The following RPAP2 variants were observed in gnomAD, a reference collection of about 807,000 sequenced individuals.
The protein encoded by RPAP2 is RNA polymerase II associated protein 2.
A neutral mutation model predicts 73.1 loss-of-function variants in RPAP2; 52 were observed. The ratio of observed to expected loss-of-function variants is 0.71; its 90% CI spans 0.57 to 0.90. The LOEUF is 0.90. RPAP2 is among the 40% of genes least tolerant of loss of function. The pLI is 0.00. For synonymous variants in RPAP2, 225 were observed against 242.1 expected (o/e 0.93, Z 0.65); for missense variants, 598 against 701.8 (o/e 0.85, Z 1.67).
rs1218394175 is a variant in RPAP2, at chr1:92,388,087, C to T, written c.*1076C>T. On this transcript the variant is annotated 3_prime_UTR_variant, in exon 13 of 13. Transcript: ENST00000610020. ...GAATTAATCAAGTTCAGCAAGGTCA[C>T]AGGCTAGATCAATATACAGAAAATC... The T allele has an allele frequency of 2.0e-5, 3 of 152,136 alleles. No homozygotes were observed. Among genetic ancestry groups the T allele is most frequent in the African/African-American group, 7.2e-5 (3 of 41,424 alleles). The allele number at this position is 152,136 out of a possible 1,614,324, so 9.4% of individuals were successfully genotyped here.
chr1:92,392,641 G>A lies in RPAP2; in HGVS notation c.*5630G>A, dbSNP rs771561013. 6.0e-4 allele frequency: 92 copies of A among 152,118 alleles called. 1 individual carries two copies. Among genetic ancestry groups the A allele is most frequent in the Admixed American group, 5.4e-3 (82 of 15,244 alleles). 9.4% of individuals were successfully genotyped at this position (152,118 alleles called of 1,614,324 possible). A position where few individuals can be genotyped will look rare whatever the true frequency, so the allele number is the denominator to read the frequency against. ...GATTGTATATTTAGAAAACCCCATC[G>A]TCTCATCCCAAAATCTCCTTAAGCT... is the stretch of plus-strand genomic sequence containing the variant. On this transcript the variant is annotated 3_prime_UTR_variant, in exon 13 of 13. Transcript: ENST00000610020.
At chr1:92,342,707 G>C (rs1221871045) in intron 10 of RPAP2, among the ~76,000 whole-genome samples, 1 of 152,172 alleles carries the variant, frequency 6.6e-6, no homozygotes, top group Non-Finnish European at 1.5e-5. Context: ...GAAGTGATCA[G>C]ATCCTATTTT....
At chr1:92,375,200 A>C (rs1046786927) in intron 11 of RPAP2, among the ~76,000 whole-genome samples, 1 of 152,212 alleles carries the variant, frequency 6.6e-6, no homozygotes, top group Non-Finnish European at 1.5e-5. Flanking sequence ...CTTAAAAATA[A>C]TATGTTTTAC....
At chr1:92,352,191 T>C (rs1342269927) in intron 11 of RPAP2, among the ~76,000 whole-genome samples, 2 of 152,220 alleles carry the variant, frequency 1.3e-5, no homozygotes, top group African/African-American at 4.8e-5. Context: ...GCCCGCTTCC[T>C]AGGCAGAGAC....
chr1:92,391,419 A>T lies in RPAP2; in HGVS notation c.*4408A>T, dbSNP rs1408276642. 6.6e-6 allele frequency: 1 copy of T among 152,236 alleles called. No individual in the cohort carries two copies. Among genetic ancestry groups the T allele is most frequent in the African/African-American group, 2.4e-5 (1 of 41,464 alleles). The allele number at this position is 152,236 out of a possible 1,614,324, so 9.4% of individuals were successfully genotyped here. A position where few individuals can be genotyped will look rare whatever the true frequency, so the allele number is the denominator to read the frequency against. On this transcript the variant is annotated 3_prime_UTR_variant, in exon 13 of 13. Transcript: ENST00000610020. ...GAAATTTATAGCACTAAATGCCCAC[A>T]AGTGAAAGCAGGAGTGATCTAAAAT...
At chr1:92,340,454 A>T (rs183499930) in intron 10 of RPAP2, among the ~76,000 whole-genome samples, 23 of 152,342 alleles carry the variant, frequency 1.5e-4, no homozygotes, top group African/African-American at 5.0e-4. Context: ...AGTGGGAAAG[A>T]GTTGACATAA....
At chr1:92,302,590 ATTTTTTTTT>A (rs36067595) in intron 3 of RPAP2, among the ~76,000 whole-genome samples, 7 of 74,316 alleles carry the variant, frequency 9.4e-5, no homozygotes, top group South Asian at 1.3e-3. Context: ...TCCGCATTAA[ATTTTTTTTT>A]TTTTTTTTTT....
chr1:92,359,203 A>C (rs984733279), intron 11 of RPAP2, among the ~76,000 whole-genome samples: 22 of 152,266 alleles, frequency 1.4e-4, no homozygotes, highest in African/African-American at 5.3e-4. Context: ...AAAGCTGGGG[A>C]AAGTCAAACA....
At chr1:92,328,970 G>T (rs1235537961) in intron 8 of RPAP2, among the ~76,000 whole-genome samples, 2 of 152,204 alleles carry the variant, frequency 1.3e-5, no homozygotes, top group African/African-American at 4.8e-5. Context: ...ACTAGGGAGT[G>T]TCTGCAAAGG....
rs557777450 is a variant in RPAP2, at chr1:92,321,971, A to T, written c.524+1337A>T. Among the ~76,000 whole-genome samples the T allele has an allele frequency of 8.9e-4, 125 of 141,076 alleles. 1 individual carries two copies. Among genetic ancestry groups the T allele is most frequent in the African/African-American group, 2.8e-3 (106 of 37,966 alleles). The allele number at this position is 141,076 out of a possible 152,430, so 92.6% of individuals were successfully genotyped here. ...TTTTTTTTTTTTTTTTTCAAGACAG[A>T]GTCTCACTCTATCACCCAGGCTAGA... On this transcript the variant is annotated intron_variant, in intron 7 of 12. Transcript: ENST00000610020.
At chr1:92,342,540 A>C (rs1224893300) in intron 10 of RPAP2, among the ~76,000 whole-genome samples, 4 of 152,208 alleles carry the variant, frequency 2.6e-5, no homozygotes, top group African/African-American at 9.6e-5. Flanking sequence ...ACATGATCTA[A>C]CATACATTTT....
At position 92,396,127 on chromosome 1, in the gene RPAP2, G is replaced by A. The variant is rs1023538533; in HGVS notation, c.*9116G>A. 2 of 151,926 alleles carry A rather than the reference G, an allele frequency of 1.3e-5. No individual in the cohort carries two copies. Among genetic ancestry groups the A allele is most frequent in the East Asian group, 1.9e-4 (1 of 5,190 alleles). The allele number at this position is 151,926 out of a possible 1,614,324, so 9.4% of individuals were successfully genotyped here. ...TGGAAATGTGTTCACATCAAGACTC[G>A]TAGGCAAATGTTCATAGCATTATCA... On this transcript the variant is annotated 3_prime_UTR_variant, in exon 13 of 13. Transcript: ENST00000610020.
intron 10 of RPAP2, among the ~76,000 whole-genome samples, chr1:92,344,151 T>C (rs1158754325): frequency 6.6e-6 from 1 of 152,186 alleles, no homozygotes; most frequent in Non-Finnish European, 1.5e-5. Flanking sequence ...AGCTCATACC[T>C]GTAATCCCAG....
At chr1:92,346,189 G>T in intron 11 of RPAP2, among the ~76,000 whole-genome samples, 1 of 149,956 alleles carries the variant, frequency 6.7e-6, no homozygotes. Context: ...TTTGAGACAG[G>T]GTCTCGCTCT....
chr1:92,337,821 A>C (rs1653364755), intron 10 of RPAP2, among the ~76,000 whole-genome samples: 1 of 152,112 alleles, frequency 6.6e-6, no homozygotes, highest in African/African-American at 2.4e-5. Context: ...CAGAAATTTA[A>C]ATACAGGTCT....
chr1:92,299,183 A>C (rs1329041235), intron 1 of RPAP2, 37 bp downstream of exon 1: 1 of 1,310,592 alleles, frequency 7.6e-7, no homozygotes, highest in Admixed American at 2.6e-5. Context: ...TTGGACCCTG[A>C]AAGCTGGGCC....
chr1:92,375,812 C>G (rs1655364064), intron 11 of RPAP2, among the ~76,000 whole-genome samples: 1 of 152,028 alleles, frequency 6.6e-6, no homozygotes, highest in South Asian at 2.1e-4. Context: ...GCCTGGGTGA[C>G]AGGGTGAGAC....
intron 11 of RPAP2, among the ~76,000 whole-genome samples, chr1:92,358,244 C>T (rs906048859): frequency 9.9e-5 from 15 of 152,198 alleles, no homozygotes; most frequent in African/African-American, 2.9e-4. Context: ...CCTCATCTCA[C>T]ACCATCCTAC....
chr1:92,357,056 ACT>A (rs1217317385), intron 11 of RPAP2, among the ~76,000 whole-genome samples: 1 of 149,166 alleles, frequency 6.7e-6, no homozygotes, highest in Non-Finnish European at 1.5e-5. Context: ...ACAGAGCAAG[ACT>A]CTGTCTCAAA....
Sources: allele counts gnomAD v4.1 joint callset (sites outside exome capture counted in the v4.1 genomes callset), GRCh38; gene constraint gnomAD v4.1.1; transcripts MANE v1.5; gene names NCBI Gene and HGNC (gene_info 2026-07-23, HGNC 2026-07-21).